COL6A1: variants seen among roughly 807,000 people sequenced by gnomAD.
COL6A1 encodes collagen type VI alpha 1 chain.
Under a neutral mutation model 145.6 loss-of-function variants are expected in COL6A1, and 80 were observed. The ratio of observed to expected loss-of-function variants is 0.55; its 90% CI spans 0.46 to 0.66. The LOEUF is 0.66. COL6A1 is among the 30% of genes least tolerant of loss of function. The pLI is 0.00. For synonymous variants in COL6A1, 638 were observed against 622.8 expected, an observed-to-expected ratio of 1.02 and a Z score of -0.36; for missense variants, 1,364 against 1,473.8, an observed-to-expected ratio of 0.93 and a Z score of 1.22.
Position 45,992,446 on chromosome 21 carries a change from G to C in COL6A1, c.1272+48G>C, listed in dbSNP as rs202136479. 6 of 1,603,124 alleles carry C rather than the reference G, an allele frequency of 3.7e-6. No homozygotes were observed. In the South Asian group the frequency reaches 6.7e-5, roughly 18 times the overall value. On this transcript the variant is annotated intron_variant, in intron 18 of 34. Coordinates refer to ENST00000361866, the MANE Select transcript of COL6A1 (RefSeq NM_001848.3). The stretch of plus-strand genomic sequence containing the variant: ...GCGCTGTTGGCCTCACCATGTAGCT[G>C]TGGACGTGGCCTCTGCGGCCCAGTC...
chr21:45,996,410 C>A (rs9978314), intron 20 of COL6A1, among the ~76,000 whole-genome samples: 1 of 152,054 alleles, frequency 6.6e-6, no homozygotes, highest in Admixed American at 6.5e-5. Context: ...CTTGCACAGT[C>A]GGGGTAGAGA....
rs1427066240 is a variant in COL6A1, at chr21:46,003,402, T to A, written c.2476T>A (p.Ser826Thr). The A allele has an allele frequency of 1.4e-5, 22 of 1,600,828 alleles. No homozygotes were observed. The highest frequency in any genetic ancestry group is 1.8e-5 in the Non-Finnish European group (21 of 1,179,708). Reference sequence around the variant, plus strand: ...ACCCCGCCCCGCAGTCACGTTCTCCTCCCCGGCTGACATCACCATCCTGCT... The same window carrying A: ...ACCCCGCCCCGCAGTCACGTTCTCCACCCCGGCTGACATCACCATCCTGCT... Reference protein sequence around the residue: ...PDYTCPITFSSPADITILLDG... With the variant: ...PDYTCPITFSTPADITILLDG... Residue 826 changes from serine (S) to threonine (T), a missense_variant, in exon 35 of 35, where the codon TCC becomes ACC. This residue lies in a region of COL6A1 where 938 missense variants were observed against 1,003.8 expected (regional missense o/e 0.93). Coordinates refer to ENST00000361866, the MANE Select transcript of COL6A1 (RefSeq NM_001848.3).
In COL6A1 at chr21:46,000,354, C is replaced by T; in HGVS notation, c.1800C>T (p.Ile600=). 1 of 1,613,962 alleles carries T rather than the reference C, an allele frequency of 6.2e-7. No homozygotes were observed. Among genetic ancestry groups the T allele is most frequent in the African/African-American group, 1.3e-5 (1 of 75,016 alleles). ...GPDECEILDI[I]MKMCSCCECK... is the part of the protein sequence containing the mutation. ...AGGAATGCGAGATTTTGGACATCAT[C>T]ATGAAAATGTGCTGTGAGTATCTCT... Residue 600 remains isoleucine (I), a synonymous_variant, in exon 28 of 35, where the codon ATC becomes ATT. Transcript: ENST00000361866.
At chr21:45,984,170 TG>T in intron 2 of COL6A1, 98 bp from the exon 3 acceptor site, 1 of 1,196,300 alleles carries the variant, frequency 8.4e-7, no homozygotes, top group Non-Finnish European at 1.2e-6. Flanking sequence ...ACGGCCAGGG[TG>T]GGGCAGCCTG....
intron 33 of COL6A1, among the ~76,000 whole-genome samples, 194 bp from the exon 34 acceptor site, chr21:46,002,926 C>T (rs1263813747): frequency 2.0e-5 from 3 of 151,270 alleles, no homozygotes; most frequent in Non-Finnish European, 4.4e-5. Context: ...TCACTGTTAC[C>T]TCCAGGGGCA....
At position 45,994,075 on chromosome 21, in the gene COL6A1, C is replaced by G. The variant is rs2077791444; in HGVS notation, c.1336-92C>G. ...GAAGGCCGGAACAGCCCAGTGACCA[C>G]CTGGACAGCATGCTGTGGCTCCCAG... On this transcript the variant is annotated intron_variant, in intron 19 of 34. Coordinates refer to ENST00000361866, the MANE Select transcript of COL6A1 (RefSeq NM_001848.3). This position sits in a 1 kb window ranked among gnomAD's most constrained non-coding sequence, Gnocchi z 6.8. 4 of 1,323,360 alleles carry G rather than the reference C, an allele frequency of 3.0e-6. No individual in the cohort carries two copies. In the East Asian group the frequency reaches 1.0e-4, roughly 33 times the overall value. 82.0% of individuals were successfully genotyped at this position (1,323,360 alleles called of 1,614,324 possible). A position where few individuals can be genotyped will look rare whatever the true frequency, so the allele number is the denominator to read the frequency against.
At position 45,992,397 on chromosome 21, in the gene COL6A1, G is replaced by A. The variant is rs761729281; in HGVS notation, c.1271G>A (p.Arg424Gln). The A allele has an allele frequency of 1.7e-5, 28 of 1,612,852 alleles. No individual in the cohort carries two copies. Among genetic ancestry groups the A allele is most frequent in the African/African-American group, 1.2e-4 (9 of 74,924 alleles). The change falls in exon 18 of 35, where the codon CGG becomes CAG. Residue 424 changes from arginine (R) to glutamine (Q), a missense_variant and splice_region_variant. By Grantham distance (43) the Arg-to-Gln change is conservative. Coordinates refer to ENST00000361866, the MANE Select transcript of COL6A1 (RefSeq NM_001848.3). Reference protein sequence around the residue: ...NPGPDGAPGERGGPGERGPRG... With the variant: ...NPGPDGAPGEQGGPGERGPRG... Reference sequence around the variant, plus strand: ...GGACCTGACGGTGCCCCCGGGGAGCGGGTGAGTGGGGCAGGGGCAGCCTGC... The same window carrying A: ...GGACCTGACGGTGCCCCCGGGGAGCAGGTGAGTGGGGCAGGGGCAGCCTGC...
intron 15 of COL6A1, among the ~76,000 whole-genome samples, chr21:45,991,356 C>T (rs533523929): frequency 2.0e-5 from 3 of 152,204 alleles, no homozygotes; most frequent in South Asian, 2.1e-4. Flanking sequence ...TCCTAGCCTG[C>T]GAGCCGCAGC....
chr21:45,997,248 AGGCCCTTCG>A (rs2077810557), intron 20 of COL6A1, among the ~76,000 whole-genome samples, 164 bp from the exon 21 acceptor site: 2 of 129,154 alleles, frequency 1.5e-5, no homozygotes, highest in South Asian at 2.6e-4. Context: ...CCCTTCGTGC[AGGCCCTTCG>A]TCAGACCCAA....
At chr21:46,001,169 A>C in intron 29 of COL6A1, 84 bp from the exon 30 acceptor site, 3 of 1,556,178 alleles carry the variant, frequency 1.9e-6, no homozygotes, top group Non-Finnish European at 2.6e-6. Flanking sequence ...TGTGGCAGCC[A>C]AGGAGGGGCC....
At position 46,002,377 on chromosome 21, in the gene COL6A1, C is replaced by A; in HGVS notation, c.2226C>A (p.Asn742Lys). Residue 742 changes from asparagine to lysine, a missense_variant, in exon 32 of 35, where the codon AAC becomes AAA. Asn to Lys is a moderately conservative substitution (Grantham distance 94, BLOSUM62 0). This residue lies in a region of COL6A1 where 938 missense variants were observed against 1,003.8 expected (regional missense o/e 0.93). Transcript: ENST00000361866. ...SDTQRDTTPL[N>K]VLCSPGIQVV... ...CTCAGAGGGACACCACACCGCTCAA[C>A]GTGCTCTGCAGCCCCGGCATCCAGG... is the stretch of plus-strand genomic sequence containing the variant. The A allele has an allele frequency of 6.3e-7, 1 of 1,596,940 alleles. No individual in the cohort carries two copies. Among genetic ancestry groups the A allele is most frequent in the Non-Finnish European group, 8.5e-7 (1 of 1,172,140 alleles).
chr21:45,991,234 C>T (rs926245885), intron 15 of COL6A1, among the ~76,000 whole-genome samples, 193 bp downstream of exon 15: 5 of 152,228 alleles, frequency 3.3e-5, no homozygotes, highest in African/African-American at 4.8e-5. Flanking sequence ...GGACAGTGGC[C>T]GTGGCGCTCC....
rs1009125960 is a variant in COL6A1, at chr21:45,992,027, C to T, written c.1137C>T (p.Asp379=). Residue 379 remains aspartate, a synonymous_variant, in exon 16 of 35, where the codon GAC becomes GAT. Coordinates refer to ENST00000361866, the MANE Select transcript of COL6A1 (RefSeq NM_001848.3). The part of the protein sequence containing the change: ...LKGEKGEPGA[D]GEAGRPGSSG... The stretch of plus-strand genomic sequence containing the variant: ...TTCCCCAGGGCGAGCCTGGAGCTGA[C>T]GGGGAGGCGGGGAGACCAGGGAGCT... 2 of 1,600,466 alleles carry T rather than the reference C, an allele frequency of 1.2e-6. No individual in the cohort carries two copies. Among genetic ancestry groups the T allele is most frequent in the Admixed American group, 1.7e-5 (1 of 57,588 alleles).
At chr21:45,983,353 G>T (rs1156773695) in intron 2 of COL6A1, among the ~76,000 whole-genome samples, 1 of 151,968 alleles carries the variant, frequency 6.6e-6, no homozygotes, top group Admixed American at 6.5e-5. Context: ...GGACAGACCG[G>T]GGGGAGAGGG....
At chr21:46,001,450 TG>T (rs2077844784) in intron 30 of COL6A1, 64 bp downstream of exon 30, 1 of 1,593,000 alleles carries the variant, frequency 6.3e-7, no homozygotes, top group South Asian at 1.1e-5. Context: ...CGGCCGCCCC[TG>T]CCCGCGCCAG....
intron 14 of COL6A1, 47 bp downstream of exon 14, chr21:45,990,873 A>T (rs757819596): frequency 6.2e-7 from 1 of 1,610,980 alleles, no homozygotes. Context: ...CGCTGTCAGC[A>T]GCACCTCGTG....
rs908307319 is a variant in COL6A1, at chr21:45,981,776, C to G, written c.-75C>G. ...TCTCACTCTGGCTGGGAGCAGAAGG[C>G]AGCCTCGGTCTCTGGGCGGCGGCGG... On this transcript the variant is annotated 5_prime_UTR_variant, in exon 1 of 35. Coordinates refer to ENST00000361866, the MANE Select transcript of COL6A1 (RefSeq NM_001848.3). 1 of 1,140,106 alleles carries G rather than the reference C, an allele frequency of 8.8e-7. No homozygotes were observed. Among genetic ancestry groups the G allele is most frequent in the Non-Finnish European group, 1.2e-6 (1 of 801,592 alleles). The allele number at this position is 1,140,106 out of a possible 1,614,324, so 70.6% of individuals were successfully genotyped here. A position where few individuals can be genotyped will look rare whatever the true frequency, so the allele number is the denominator to read the frequency against.
At chr21:45,984,578 C>T in intron 3 of COL6A1, 109 bp downstream of exon 3, 1 of 1,037,862 alleles carries the variant, frequency 9.6e-7, no homozygotes, top group South Asian at 1.3e-5. Flanking sequence ...CCTCCCTGTT[C>T]TCTTGGAGGC....
At chr21:45,985,909 C>T (rs561571560) in intron 3 of COL6A1, among the ~76,000 whole-genome samples, 1 of 152,182 alleles carries the variant, frequency 6.6e-6, no homozygotes, top group Non-Finnish European at 1.5e-5. Context: ...GGGATGTGGC[C>T]ACACACGTCA....
Sources: allele counts gnomAD v4.1 joint callset (sites outside exome capture counted in the v4.1 genomes callset), GRCh38; gene constraint gnomAD v4.1.1; regional missense constraint gnomAD v4.1.1; non-coding constraint Gnocchi (gnomAD v3.1); transcripts MANE v1.5; gene names NCBI Gene and HGNC (gene_info 2026-07-23, HGNC 2026-07-21).